ZNF365: variants seen among roughly 807,000 people sequenced by gnomAD.
ZNF365 encodes zinc finger protein 365.
Under a neutral mutation model 35.0 loss-of-function variants are expected in ZNF365, and 22 were observed. The ratio of observed to expected loss-of-function variants is 0.63; its 90% CI spans 0.45 to 0.90. The LOEUF (loss-of-function observed/expected upper bound fraction) is 0.90, where lower values mean the gene tolerates loss of function less well. Among genes scored for constraint, ZNF365 ranks in the 40% least tolerant of loss-of-function variants. The pLI is 0.00. For missense variants in ZNF365, 448 were observed against 500.3 expected (o/e 0.90, Z 1.00); for synonymous variants, 188 against 196.2 (o/e 0.96, Z 0.35).
chr10:62,419,917 C>T (rs1840139708), intron 3 of ZNF365, among the ~76,000 whole-genome samples: 2 of 152,016 alleles, frequency 1.3e-5, no homozygotes, highest in African/African-American at 4.8e-5. Context: ...TTGGTATGTA[C>T]ACTTTTTAGG....
chr10:62,388,605 G>A (rs1251047765), intron 3 of ZNF365, 29 bp downstream of exon 3: 1 of 1,611,696 alleles, frequency 6.2e-7, no homozygotes, highest in Non-Finnish European at 8.5e-7. Context: ...GCCACCGAGT[G>A]TAAGATCCCT....
intron 3 of ZNF365, among the ~76,000 whole-genome samples, chr10:62,393,727 T>C (rs1839674427): frequency 6.6e-6 from 1 of 152,228 alleles, no homozygotes; most frequent in Non-Finnish European, 1.5e-5. Context: ...TATGATATGA[T>C]CAACCTTCAT....
intron 3 of ZNF365, among the ~76,000 whole-genome samples, chr10:62,448,715 C>G (rs1368069962): frequency 6.6e-6 from 1 of 152,112 alleles, no homozygotes; most frequent in East Asian, 1.9e-4. Flanking sequence ...GACTATGGAT[C>G]TGGTAAGATG....
At chr10:62,425,135 A>G (rs1840232302) in intron 3 of ZNF365, among the ~76,000 whole-genome samples, 1 of 152,212 alleles carries the variant, frequency 6.6e-6, no homozygotes, top group African/African-American at 2.4e-5. Flanking sequence ...CTCCAGATGT[A>G]TTAACATTTT....
At chr10:62,447,723 G>A (rs1002667104) in intron 3 of ZNF365, among the ~76,000 whole-genome samples, 8 of 152,072 alleles carry the variant, frequency 5.3e-5, no homozygotes, top group African/African-American at 1.4e-4. Flanking sequence ...GGGGAATCAC[G>A]CTTCCCTGGA....
chr10:62,439,758 T>C (rs1840465315), intron 3 of ZNF365, among the ~76,000 whole-genome samples: 1 of 152,212 alleles, frequency 6.6e-6, no homozygotes. Context: ...GCTTCTTATA[T>C]CTTCTATTAC....
At chr10:62,423,647 G>C (rs1840208408) in intron 3 of ZNF365, among the ~76,000 whole-genome samples, 1 of 152,092 alleles carries the variant, frequency 6.6e-6, no homozygotes, top group African/African-American at 2.4e-5. Flanking sequence ...TCCTTGCTAT[G>C]AGGGTAGCGT....
downstream of ZNF365, among the ~76,000 whole-genome samples, chr10:62,404,474 C>G (rs2132433879): frequency 6.6e-6 from 1 of 152,166 alleles, no homozygotes; most frequent in East Asian, 1.9e-4. Context: ...TGTCTCTGAG[C>G]TACTATTTCC....
intron 3 of ZNF365, among the ~76,000 whole-genome samples, chr10:62,394,949 G>C (rs775723765): frequency 6.6e-6 from 1 of 152,096 alleles, no homozygotes. Flanking sequence ...AGTGAGATCC[G>C]GGCTGGGGAT....
intron 3 of ZNF365, among the ~76,000 whole-genome samples, chr10:62,409,499 A>T (rs1208261269): frequency 6.6e-6 from 1 of 152,196 alleles, no homozygotes; most frequent in African/African-American, 2.4e-5. Flanking sequence ...TACTTGGGGA[A>T]GTGAGGAACC....
chr10:62,478,142 A>G (rs765139757), intron 4 of ZNF365, among the ~76,000 whole-genome samples: 12 of 152,216 alleles, frequency 7.9e-5, no homozygotes, highest in Non-Finnish European at 1.6e-4. Context: ...TGTATCAGGT[A>G]TGGATACAGC....
chr10:62,459,930 T>C, intron 4 of ZNF365: 1 of 733,600 alleles, frequency 1.4e-6, no homozygotes, highest in South Asian at 1.7e-5. Context: ...ATTTTCACAT[T>C]CTCCTTCTCC....
chr10:62,389,235 G>A (rs1839581412), intron 3 of ZNF365, among the ~76,000 whole-genome samples: 1 of 150,648 alleles, frequency 6.6e-6, no homozygotes, highest in Non-Finnish European at 1.5e-5. Flanking sequence ...GGTCTCGTTG[G>A]AGGGCGGAGG....
At chr10:62,394,067 C>T (rs1839680937) in intron 3 of ZNF365, among the ~76,000 whole-genome samples, 1 of 152,174 alleles carries the variant, frequency 6.6e-6, no homozygotes, top group African/African-American at 2.4e-5. Flanking sequence ...CATTGTCATA[C>T]AGGTTGAGTA....
intron 3 of ZNF365, among the ~76,000 whole-genome samples, chr10:62,392,434 T>A (rs1274054803): frequency 6.6e-6 from 1 of 152,242 alleles, no homozygotes; most frequent in Non-Finnish European, 1.5e-5. Flanking sequence ...GAGATGAAGA[T>A]CCAGTTTCAT....
At chr10:62,453,132 TA>T in intron 3 of ZNF365, among the ~76,000 whole-genome samples, 1 of 152,246 alleles carries the variant, frequency 6.6e-6, no homozygotes, top group East Asian at 1.9e-4. Context: ...TGTACATCTT[TA>T]AAAAATTTTT....
chr10:62,436,919 G>T (rs922257459), intron 3 of ZNF365, among the ~76,000 whole-genome samples: 3 of 149,138 alleles, frequency 2.0e-5, no homozygotes, highest in Non-Finnish European at 4.5e-5. Flanking sequence ...TCCAAAAAAT[G>T]TGGCTAGCAC....
At chr10:62,441,425 T>C (rs1289919445) in intron 3 of ZNF365, among the ~76,000 whole-genome samples, 1 of 152,298 alleles carries the variant, frequency 6.6e-6, no homozygotes, top group East Asian at 1.9e-4. Flanking sequence ...ACAGGGGCCA[T>C]CTAGACCATT....
intron 4 of ZNF365, 91 bp from the exon 5 acceptor site, chr10:62,399,436 GA>G: frequency 6.5e-7 from 1 of 1,530,354 alleles, no homozygotes; most frequent in East Asian, 2.3e-5. Context: ...ATGTAGGAGA[GA>G]TTGTGCCATG....
Sources: allele counts gnomAD v4.1 joint callset (sites outside exome capture counted in the v4.1 genomes callset), GRCh38; gene constraint gnomAD v4.1.1; transcripts MANE v1.5; gene names NCBI Gene and HGNC (gene_info 2026-07-23, HGNC 2026-07-21).